The following CCDC38 variants were observed in gnomAD, a reference collection of about 807,000 sequenced individuals.
The protein encoded by CCDC38 is coiled-coil domain-containing protein 38.
In CCDC38, 69 loss-of-function variants were observed where a neutral mutation model predicts 72.8. That is an observed-to-expected ratio of 0.95 (90% CI 0.78 to 1.16). The LOEUF is 1.16. Ranked by LOEUF, CCDC38 falls within the 50% of genes most tolerant of loss-of-function variation. The pLI, the probability that CCDC38 is intolerant of heterozygous loss-of-function variation, is 0.00. For missense variants in CCDC38, 626 were observed against 638.9 expected (o/e 0.98, Z 0.22); for synonymous variants, 201 against 213.2 (o/e 0.94, Z 0.50).
intron 3 of CCDC38, among the ~76,000 whole-genome samples, chr12:95,917,965 G>A (rs1487427758): frequency 3.3e-5 from 5 of 151,786 alleles, no homozygotes; most frequent in South Asian, 2.1e-4. Flanking sequence ...AATTAGGCTT[G>A]TGATTTCATT....
intron 4 of CCDC38, among the ~76,000 whole-genome samples, chr12:95,912,208 C>A (rs2080101738): frequency 6.6e-6 from 1 of 152,062 alleles, no homozygotes; most frequent in Admixed American, 6.6e-5. Flanking sequence ...ACACTGAGGC[C>A]TCCTAAAGCA....
chr12:95,910,530 C>T (rs1430073391), intron 4 of CCDC38, among the ~76,000 whole-genome samples: 1 of 152,142 alleles, frequency 6.6e-6, no homozygotes, highest in Non-Finnish European at 1.5e-5. Flanking sequence ...TCCTATCAAA[C>T]TACCAATGTC....
At position 95,942,500 on chromosome 12, in the gene CCDC38, G is replaced by C. The variant is rs936680835; in HGVS notation, c.-84C>G. The stretch of plus-strand genomic sequence containing the variant: ...GAAGGCGTTGTGGGAAAAGTGGGCG[G>C]AGGTGCCAATCGATCCTCCAGTCTC... On this transcript the variant is annotated 5_prime_UTR_variant, in exon 1 of 16. Transcript: ENST00000344280. The C allele has an allele frequency of 6.6e-6, 1 of 152,242 alleles. No individual in the cohort carries two copies. The highest frequency in any genetic ancestry group is 1.5e-5 in the Non-Finnish European group (1 of 68,094). 9.4% of individuals were successfully genotyped at this position (152,242 alleles called of 1,614,324 possible).
intron 9 of CCDC38, among the ~76,000 whole-genome samples, chr12:95,889,892 T>C (rs182426276): frequency 1.7e-4 from 25 of 144,552 alleles, no homozygotes; most frequent in African/African-American, 6.4e-4. Context: ...CATATGCTTA[T>C]TTTACTTTAT....
intron 2 of CCDC38, among the ~76,000 whole-genome samples, chr12:95,928,763 G>C (rs928050951): frequency 8.4e-4 from 128 of 152,266 alleles, no homozygotes; most frequent in African/African-American, 2.3e-3. Context: ...TAACAGACAG[G>C]ACCCTCAGCT....
intron 8 of CCDC38, among the ~76,000 whole-genome samples, chr12:95,892,482 C>T (rs1240685747): frequency 6.6e-6 from 1 of 151,150 alleles, no homozygotes; most frequent in East Asian, 1.9e-4. Context: ...CTATGTCTCA[C>T]TATGTTGCCC....
chr12:95,939,307 A>G (rs927401878), intron 1 of CCDC38, among the ~76,000 whole-genome samples: 2 of 152,224 alleles, frequency 1.3e-5, no homozygotes. Context: ...CCAGAGAGAC[A>G]AGAAGTCCAA....
At chr12:95,908,457 G>C (rs1228184990) in intron 4 of CCDC38, among the ~76,000 whole-genome samples, 3 of 18 alleles carry the variant, frequency 0.17, no homozygotes, top group East Asian at 0.5. Context: ...GGGAGAGGGA[G>C]AGGGAGAGGG....
At chr12:95,874,014 A>G (rs1174963046) in intron 13 of CCDC38, among the ~76,000 whole-genome samples, 3 of 152,372 alleles carry the variant, frequency 2.0e-5, no homozygotes, top group Admixed American at 2.0e-4. Context: ...GAAAACAGCA[A>G]AAGTCCTATA....
At chr12:95,929,201 C>T (rs977882805) in intron 2 of CCDC38, among the ~76,000 whole-genome samples, 5 of 152,190 alleles carry the variant, frequency 3.3e-5, no homozygotes, top group African/African-American at 1.2e-4. Flanking sequence ...ACTCTGTGGG[C>T]GTAGGACCCT....
intron 10 of CCDC38, among the ~76,000 whole-genome samples, chr12:95,887,828 A>T (rs187160289): frequency 2.6e-4 from 39 of 152,294 alleles, no homozygotes; most frequent in African/African-American, 9.4e-4. Context: ...ATGAACATTT[A>T]ATTACAAAAA....
chr12:95,898,497 T>C (rs374151415), intron 6 of CCDC38, 32 bp from the exon 7 acceptor site: 10 of 1,587,886 alleles, frequency 6.3e-6, no homozygotes, highest in African/African-American at 1.4e-5. Flanking sequence ...TTAATTTGCT[T>C]CTTAGAAACA....
Position 95,869,571 on chromosome 12 carries a change from A to T in CCDC38, c.1487T>A (p.Phe496Tyr), listed in dbSNP as rs1205956712. The change falls in exon 15 of 16, where the codon TTT becomes TAT. Residue 496 changes from phenylalanine to tyrosine, a missense_variant and splice_region_variant. Physicochemically the swap from Phe to Tyr is conservative, Grantham distance 22 (BLOSUM62 3). Transcript: ENST00000344280. Reference sequence around the variant, plus strand: ...TTTTTCTTTCATTTTCTCATCACGAAACCTGTCACAAGAAGGGAGAAACAT... The same window carrying T: ...TTTTTCTTTCATTTTCTCATCACGATACCTGTCACAAGAAGGGAGAAACAT... Reference protein sequence around the residue: ...RMKQKEWRQKFRDEKMKEKQR... With the variant: ...RMKQKEWRQKYRDEKMKEKQR... 6.2e-7 allele frequency: 1 copy of T among 1,610,450 alleles called. No homozygotes were observed. The highest frequency in any genetic ancestry group is 1.1e-5 in the South Asian group (1 of 90,838).
intron 14 of CCDC38, among the ~76,000 whole-genome samples, chr12:95,870,757 G>A (rs7308921): frequency 0.73 from 110,455 of 152,044 alleles, 40,835 homozygotes; most frequent in African/African-American, 0.78. Context: ...GGATCACCAT[G>A]ATATAGTCTG....
intron 2 of CCDC38, among the ~76,000 whole-genome samples, chr12:95,928,085 T>C (rs529636949): frequency 6.7e-6 from 1 of 150,182 alleles, no homozygotes; most frequent in East Asian, 2.0e-4. Context: ...AATGTTGGCC[T>C]GCCTTGCTAG....
At chr12:95,899,522 C>T (rs558076533) in intron 5 of CCDC38, among the ~76,000 whole-genome samples, 6 of 152,290 alleles carry the variant, frequency 3.9e-5, no homozygotes, top group South Asian at 4.1e-4. Flanking sequence ...TGGTCTCAAA[C>T]TCCTGAGCTC....
intron 10 of CCDC38, among the ~76,000 whole-genome samples, chr12:95,886,294 C>T (rs1040219073): frequency 9.2e-5 from 14 of 152,162 alleles, no homozygotes; most frequent in African/African-American, 3.1e-4. Flanking sequence ...ATCTAAACCT[C>T]ACCCCTTATA....
At chr12:95,935,376 C>T (rs1565971096) in intron 2 of CCDC38, 1 of 158,146 alleles carries the variant, frequency 6.3e-6, no homozygotes, top group African/African-American at 2.4e-5. Flanking sequence ...CATGTCCCCC[C>T]TTCCCCTTTT....
At chr12:95,922,905 C>A (rs942641378) in intron 2 of CCDC38, among the ~76,000 whole-genome samples, 1 of 151,996 alleles carries the variant, frequency 6.6e-6, no homozygotes, top group Non-Finnish European at 1.5e-5. Context: ...CCATGGGTTC[C>A]CAGATTAAAT....
Sources: allele counts gnomAD v4.1 joint callset (sites outside exome capture counted in the v4.1 genomes callset), GRCh38; gene constraint gnomAD v4.1.1; transcripts MANE v1.5; gene names NCBI Gene and HGNC (gene_info 2026-07-23, HGNC 2026-07-21).